The following NMT2 variants were observed in gnomAD, a reference collection of about 807,000 sequenced individuals.
NMT2 encodes glycylpeptide N-tetradecanoyltransferase 2.
In NMT2, 35 loss-of-function variants were observed where a neutral mutation model predicts 65.4. That is an observed-to-expected ratio of 0.54 (90% CI 0.41 to 0.71). The LOEUF (loss-of-function observed/expected upper bound fraction) is 0.71, where lower values mean the gene tolerates loss of function less well. NMT2 is among the 30% of genes least tolerant of loss of function. The probability of loss-of-function intolerance (pLI) is 0.00; values close to 1 mark genes in which losing one functional copy is unlikely to be tolerated. For missense variants in NMT2, 489 were observed against 611.3 expected (o/e 0.80, Z 2.11); for synonymous variants, 226 against 231.8 (o/e 0.98, Z 0.23).
At chr10:15,165,810 G>A (rs1167421334) in intron 1 of NMT2, among the ~76,000 whole-genome samples, 2 of 150,862 alleles carry the variant, frequency 1.3e-5, no homozygotes, top group African/African-American at 4.9e-5. Context: ...TCCAGGAGGC[G>A]GAGGTTGCAG....
At chr10:15,145,483 G>A (rs1263123879) in intron 1 of NMT2, among the ~76,000 whole-genome samples, 1 of 152,174 alleles carries the variant, frequency 6.6e-6, no homozygotes. Flanking sequence ...GTGTTCAAGT[G>A]ATTCTCCTGC....
At position 15,141,419 on chromosome 10, in the gene NMT2, C is replaced by T; in HGVS notation, c.246+3G>A. Reference sequence around the variant, plus strand: ...AGAGGAAAAAATAAAACAGAGCTCTCACTTTCGAAGGCTGCTGAATTTTAA... The same window carrying T: ...AGAGGAAAAAATAAAACAGAGCTCTTACTTTCGAAGGCTGCTGAATTTTAA... On this transcript the variant is annotated splice_donor_region_variant and intron_variant, in intron 2 of 11. Coordinates refer to ENST00000378165, the MANE Select transcript of NMT2 (RefSeq NM_004808.3). 3 of 1,613,802 alleles carry T rather than the reference C, an allele frequency of 1.9e-6. No homozygotes were observed. Among genetic ancestry groups the T allele is most frequent in the Non-Finnish European group, 2.5e-6 (3 of 1,179,956 alleles).
chr10:15,108,860 T>C lies in NMT2; in HGVS notation c.*335A>G, dbSNP rs551926465. 1 of 1,088,302 alleles carries C rather than the reference T, an allele frequency of 9.2e-7. No individual in the cohort carries two copies. Among genetic ancestry groups the C allele is most frequent in the East Asian group, 9.0e-5 (1 of 11,162 alleles). 67.4% of individuals were successfully genotyped at this position (1,088,302 alleles called of 1,614,324 possible). On this transcript the variant is annotated 3_prime_UTR_variant, in exon 12 of 12. Coordinates refer to ENST00000378165, the MANE Select transcript of NMT2 (RefSeq NM_004808.3). ...GCAAAGATTTTCTTACATGACTCTGTAACTTCTACTTAGTCCATAGAAAAA... is the reference window on the plus strand; with the variant it reads ...GCAAAGATTTTCTTACATGACTCTGCAACTTCTACTTAGTCCATAGAAAAA...
chr10:15,107,412 C>T lies in NMT2; in HGVS notation c.*1783G>A, dbSNP rs1845342542. ...ATGTCTAAAACAATTAACTTCTGCA[C>T]TGAACTTCCTAGGCACTGGCCCAGT... On this transcript the variant is annotated 3_prime_UTR_variant, in exon 12 of 12. Coordinates refer to ENST00000378165, the MANE Select transcript of NMT2 (RefSeq NM_004808.3). 4.1e-6 allele frequency: 4 copies of T among 985,324 alleles called. No individual in the cohort carries two copies. In the South Asian group the frequency reaches 1.9e-4, roughly 46 times the overall value. The allele number at this position is 985,324 out of a possible 1,614,324, so 61.0% of individuals were successfully genotyped here. A position where few individuals can be genotyped will look rare whatever the true frequency, so the allele number is the denominator to read the frequency against.
chr10:15,121,501 G>A (rs1219619558), intron 8 of NMT2, among the ~76,000 whole-genome samples: 1 of 152,156 alleles, frequency 6.6e-6, no homozygotes, highest in Non-Finnish European at 1.5e-5. Context: ...CCGAGTAACT[G>A]GGATTACAGG....
intron 1 of NMT2, among the ~76,000 whole-genome samples, chr10:15,144,488 T>TTG (rs1314895701): frequency 1.3e-5 from 2 of 152,046 alleles, no homozygotes; most frequent in Non-Finnish European, 1.5e-5. Flanking sequence ...TCCCAGCACT[T>TTG]TGGGAGGCTG....
chr10:15,153,517 G>C (rs1374210486), intron 1 of NMT2, among the ~76,000 whole-genome samples: 14 of 152,220 alleles, frequency 9.2e-5, no homozygotes, highest in Admixed American at 8.5e-4. Flanking sequence ...GCCTCCCATT[G>C]ATGGCTTTTG....
chr10:15,149,942 T>C (rs1832745961), intron 1 of NMT2, among the ~76,000 whole-genome samples: 1 of 152,242 alleles, frequency 6.6e-6, no homozygotes, highest in South Asian at 2.1e-4. Context: ...TTTAGGTCTT[T>C]TGTAAACTGC....
At chr10:15,153,276 A>G (rs1832867809) in intron 1 of NMT2, among the ~76,000 whole-genome samples, 1 of 152,264 alleles carries the variant, frequency 6.6e-6, no homozygotes, top group African/African-American at 2.4e-5. Context: ...AAAAAATACA[A>G]TAAAACTAAA....
chr10:15,132,865 A>G lies in NMT2; in HGVS notation c.671T>C (p.Leu224Pro). Reference protein sequence around the residue: ...CGVRVSSNKKLVGFISAIPAN... With the variant: ...CGVRVSSNKKPVGFISAIPAN... ...TGGGATGGCACTTATGAACCCGACC[A>G]GTTTTTTATTTGAAGACACTCTGAC... is the stretch of plus-strand genomic sequence containing the variant. Residue 224 changes from leucine to proline, a missense_variant, in exon 6 of 12, where the codon CTG becomes CCG. Leu to Pro is a moderately conservative substitution (Grantham distance 98). Transcript: ENST00000378165. 1.9e-6 allele frequency: 3 copies of G among 1,614,072 alleles called. No individual in the cohort carries two copies. Among genetic ancestry groups the G allele is most frequent in the Non-Finnish European group, 2.5e-6 (3 of 1,179,950 alleles).
At chr10:15,133,020 C>T (rs765038493) in intron 5 of NMT2, 33 bp downstream of exon 5, 47 of 1,602,166 alleles carry the variant, frequency 2.9e-5, no homozygotes, top group Admixed American at 5.0e-5. Context: ...TCAGCAGCGC[C>T]TATCCACGAC....
At chr10:15,123,090 G>A (rs1205143627) in intron 8 of NMT2, among the ~76,000 whole-genome samples, 2 of 152,018 alleles carry the variant, frequency 1.3e-5, no homozygotes, top group South Asian at 2.1e-4. Flanking sequence ...CAGGTAAAAA[G>A]TATCATAAGT....
At chr10:15,130,649 A>T (rs1393510488) in intron 6 of NMT2, among the ~76,000 whole-genome samples, 3 of 138,244 alleles carry the variant, frequency 2.2e-5, no homozygotes, top group Non-Finnish European at 4.6e-5. Context: ...GGGTGCAGTG[A>T]GCCATGATTG....
At chr10:15,128,059 T>A (rs1026280888) in intron 8 of NMT2, among the ~76,000 whole-genome samples, 1 of 152,236 alleles carries the variant, frequency 6.6e-6, no homozygotes, top group African/African-American at 2.4e-5. Context: ...TTCTTCCTTC[T>A]TACTTAACAG....
At chr10:15,112,230 TTTTTTTTTTTTTTTTTTTTTTG>T (rs1845583361) in intron 10 of NMT2, among the ~76,000 whole-genome samples, 2 of 47,088 alleles carry the variant, frequency 4.2e-5, no homozygotes, top group African/African-American at 9.5e-5. Context: ...TTTTTTTTTT[TTTTTTTTTTTTTTTTTTTTTTG>T]AGACAGTTTC....
chr10:15,112,886 C>G lies in NMT2; in HGVS notation c.1248G>C (p.Lys416Asn), dbSNP rs1845610768. 6.2e-7 allele frequency: 1 copy of G among 1,614,012 alleles called. No homozygotes were observed. Among genetic ancestry groups the G allele is most frequent in the South Asian group, 1.1e-5 (1 of 91,090 alleles). Reference sequence around the variant, plus strand: ...AGAATGAGTAGGCGGCTTTGAGGCTCTTGTGAGCAGGGTGGTGCATCACCG... The same window carrying G: ...AGAATGAGTAGGCGGCTTTGAGGCTGTTGTGAGCAGGGTGGTGCATCACCG... ...PSTVMHHPAH[K>N]SLKAAYSFYN... Residue 416 changes from lysine to asparagine, a missense_variant, in exon 10 of 12, where the codon AAG (lysine) becomes AAC (asparagine). By Grantham distance (94) the Lys-to-Asn change is moderately conservative. Transcript: ENST00000378165.
chr10:15,164,417 G>T (rs1289389449), intron 1 of NMT2, among the ~76,000 whole-genome samples: 1 of 152,080 alleles, frequency 6.6e-6, no homozygotes, highest in African/African-American at 2.4e-5. Flanking sequence ...GTCAATGTTG[G>T]TTAAGCAAGG....
In NMT2 at chr10:15,106,678, T is replaced by A. The variant is rs910854544; in HGVS notation, c.*2517A>T. 1 of 984,748 alleles carries A rather than the reference T, an allele frequency of 1.0e-6. No homozygotes were observed. The highest frequency in any genetic ancestry group is 1.2e-6 in the Non-Finnish European group (1 of 829,382). 61.0% of individuals were successfully genotyped at this position (984,748 alleles called of 1,614,324 possible). The stretch of plus-strand genomic sequence containing the variant: ...AAGGAGAGTTCCAACTCCTTCGTAG[T>A]GACCAAGGTCAACAAACTTTCTGTA... On this transcript the variant is annotated 3_prime_UTR_variant, in exon 12 of 12. Coordinates refer to ENST00000378165, the MANE Select transcript of NMT2 (RefSeq NM_004808.3).
intron 1 of NMT2, among the ~76,000 whole-genome samples, chr10:15,162,174 T>A (rs1199139531): frequency 6.8e-6 from 1 of 146,678 alleles, no homozygotes; most frequent in Non-Finnish European, 1.5e-5. Context: ...ATCACTTGAG[T>A]CCAGGAGGTC....
Sources: gnomAD v4.1 joint callset for allele counts (sites outside exome capture counted in the v4.1 genomes callset) on GRCh38, gnomAD v4.1.1 for gene constraint, MANE v1.5 for transcripts, NCBI Gene and HGNC (gene_info 2026-07-23, HGNC 2026-07-21) for gene names.